Variants in VEPH1 observed in about 807,000 individuals in gnomAD.
The protein encoded by VEPH1 is ventricular zone expressed PH domain containing 1, also known as ventricular zone-expressed PH domain-containing protein homolog 1.
Under a neutral mutation model 85.2 loss-of-function variants are expected in VEPH1, and 80 were observed. That is an observed-to-expected ratio of 0.94 (90% CI 0.78 to 1.13). The LOEUF is 1.13. Among genes scored for constraint, VEPH1 ranks in the 50% most tolerant of loss-of-function variants. The pLI, the probability that VEPH1 is intolerant of heterozygous loss-of-function variation, is 0.00. For synonymous variants in VEPH1, 297 were observed against 348.0 expected, an observed-to-expected ratio of 0.85 and a Z score of 1.63; for missense variants, 955 against 980.5, an observed-to-expected ratio of 0.97 and a Z score of 0.35.
At chr3:157,480,084 G>T (rs79542349) in intron 2 of VEPH1, among the ~76,000 whole-genome samples, 8 of 129,758 alleles carry the variant, frequency 6.2e-5, no homozygotes, top group Admixed American at 7.8e-5. Context: ...CTTTCTTTCT[G>T]TCTCTCTCTC....
chr3:157,431,890 T>C (rs182033560), intron 4 of VEPH1, among the ~76,000 whole-genome samples: 1 of 151,824 alleles, frequency 6.6e-6, no homozygotes, highest in East Asian at 1.9e-4. Flanking sequence ...CACTGTTGTC[T>C]GGGCTGGAGT....
intron 1 of VEPH1, among the ~76,000 whole-genome samples, chr3:157,501,894 CTT>C (rs1417410484): frequency 6.6e-6 from 1 of 152,226 alleles, no homozygotes; most frequent in Non-Finnish European, 1.5e-5. Flanking sequence ...CATTAACAAA[CTT>C]AGACCCATTT....
chr3:157,301,742 T>A (rs34650246), intron 11 of VEPH1, among the ~76,000 whole-genome samples: 1 of 152,080 alleles, frequency 6.6e-6, no homozygotes, highest in Non-Finnish European at 1.5e-5. Context: ...CTACACTTTC[T>A]GAGGTTCTTT....
chr3:157,501,823 T>G (rs1740140362), intron 1 of VEPH1, among the ~76,000 whole-genome samples: 1 of 152,202 alleles, frequency 6.6e-6, no homozygotes, highest in Non-Finnish European at 1.5e-5. Context: ...TACATTACGC[T>G]TTAGACTACA....
intron 9 of VEPH1, among the ~76,000 whole-genome samples, chr3:157,338,504 G>C (rs569390498): frequency 9.9e-5 from 15 of 152,258 alleles, no homozygotes; most frequent in African/African-American, 2.6e-4. Flanking sequence ...AAAAGGTGAA[G>C]CATCTTGGAA....
At chr3:157,264,033 G>A (rs1347207292) in intron 13 of VEPH1, among the ~76,000 whole-genome samples, 1 of 152,224 alleles carries the variant, frequency 6.6e-6, no homozygotes, top group Non-Finnish European at 1.5e-5. Flanking sequence ...GGAAGAGGCT[G>A]GCATTTGAAT....
intron 12 of VEPH1, among the ~76,000 whole-genome samples, chr3:157,274,507 G>T (rs948470258): frequency 6.6e-6 from 1 of 152,096 alleles, no homozygotes; most frequent in Non-Finnish European, 1.5e-5. Context: ...CTGCATGTGT[G>T]TGTGTTTTAA....
intron 11 of VEPH1, among the ~76,000 whole-genome samples, chr3:157,299,480 A>G (rs1718504957): frequency 6.8e-6 from 1 of 147,302 alleles, no homozygotes; most frequent in Non-Finnish European, 1.5e-5. Context: ...GGATTGATTG[A>G]GCCTGGGAGG....
chr3:157,461,266 C>T (rs1735842279), intron 3 of VEPH1, among the ~76,000 whole-genome samples: 1 of 151,348 alleles, frequency 6.6e-6, no homozygotes, highest in African/African-American at 2.4e-5. Context: ...TTTTTTTCTA[C>T]CACATAATGT....
At chr3:157,332,939 T>G (rs1392408412) in intron 9 of VEPH1, among the ~76,000 whole-genome samples, 1 of 152,212 alleles carries the variant, frequency 6.6e-6, no homozygotes, top group Non-Finnish European at 1.5e-5. Flanking sequence ...TCCAGTCACC[T>G]GATTGTACAC....
intron 9 of VEPH1, among the ~76,000 whole-genome samples, chr3:157,349,806 C>A (rs1724658149): frequency 6.6e-6 from 1 of 152,092 alleles, no homozygotes; most frequent in Non-Finnish European, 1.5e-5. Flanking sequence ...ACCTACGAAT[C>A]AATTTAACCA....
At chr3:157,365,036 A>G (rs1726478889) in intron 7 of VEPH1, among the ~76,000 whole-genome samples, 1 of 152,220 alleles carries the variant, frequency 6.6e-6, no homozygotes, top group South Asian at 2.1e-4. Flanking sequence ...TTTTCTGTGA[A>G]CGATATTAAT....
intron 9 of VEPH1, among the ~76,000 whole-genome samples, chr3:157,355,709 G>A (rs1490630073): frequency 4.6e-5 from 7 of 152,106 alleles, no homozygotes; most frequent in African/African-American, 1.7e-4. Flanking sequence ...AAACTACAGG[G>A]TTTTATATGA....
Position 157,495,457 on chromosome 3 carries a change from T to G in VEPH1, c.-108A>C. On this transcript the variant is annotated 5_prime_UTR_variant, in exon 2 of 14. Transcript: ENST00000362010. Reference sequence around the variant, plus strand: ...ATGTAGAAGGAGGTATACTTCTTATTCCATGAAAGGTCATTTTTCTCCAGA... The same window carrying G: ...ATGTAGAAGGAGGTATACTTCTTATGCCATGAAAGGTCATTTTTCTCCAGA... 1 of 1,517,968 alleles carries G rather than the reference T, an allele frequency of 6.6e-7. No individual in the cohort carries two copies. Among genetic ancestry groups the G allele is most frequent in the Non-Finnish European group, 8.8e-7 (1 of 1,135,306 alleles). 94.0% of individuals were successfully genotyped at this position (1,517,968 alleles called of 1,614,324 possible).
intron 6 of VEPH1, among the ~76,000 whole-genome samples, chr3:157,411,602 C>T (rs1219074289): frequency 2.6e-5 from 4 of 152,236 alleles, no homozygotes; most frequent in African/African-American, 9.6e-5. Context: ...CTATGGGATC[C>T]AAGACTGACA....
intron 6 of VEPH1, among the ~76,000 whole-genome samples, chr3:157,397,703 A>G (rs569926435): frequency 1.8e-4 from 27 of 152,302 alleles, no homozygotes; most frequent in African/African-American, 6.3e-4. Flanking sequence ...GACTTCATTC[A>G]TGATTTGGCT....
chr3:157,318,665 GGAAAGAAA>G (rs772078655), intron 9 of VEPH1, among the ~76,000 whole-genome samples: 1,218 of 111,058 alleles, frequency 0.011, 7 homozygotes, highest in Non-Finnish European at 0.017. Flanking sequence ...TGAAAGAAAA[GGAAAGAAA>G]GAAAGAAAGA....
At chr3:157,480,401 C>G (rs1001294658) in intron 2 of VEPH1, among the ~76,000 whole-genome samples, 1 of 152,170 alleles carries the variant, frequency 6.6e-6, no homozygotes. Flanking sequence ...TATGCTGTCA[C>G]CCAGCTAGTG....
intron 11 of VEPH1, 48 bp downstream of exon 11, chr3:157,313,573 C>T: frequency 6.3e-7 from 1 of 1,578,714 alleles, no homozygotes; most frequent in Non-Finnish European, 8.6e-7. Flanking sequence ...TGTTTCAAGA[C>T]AATCTTAAAT....
Sources: allele counts gnomAD v4.1 joint callset (sites outside exome capture counted in the v4.1 genomes callset), GRCh38; gene constraint gnomAD v4.1.1; transcripts MANE v1.5; gene names NCBI Gene and HGNC (gene_info 2026-07-23, HGNC 2026-07-21).